Variants in AHCYL1 observed in about 807,000 individuals in gnomAD.
The protein encoded by AHCYL1 is adenosylhomocysteinase like 1, also known as S-adenosylhomocysteine hydrolase-like protein 1.
In AHCYL1, 20 loss-of-function variants were observed where a neutral mutation model predicts 79.3. The ratio of observed to expected loss-of-function variants is 0.25; its 90% CI spans 0.18 to 0.37. The LOEUF is 0.37. Ranked by LOEUF, AHCYL1 falls within the 10% of genes least tolerant of loss-of-function variation. AHCYL1 has a pLI of 1.00. For synonymous variants in AHCYL1, 223 were observed against 242.2 expected, an observed-to-expected ratio of 0.92 and a Z score of 0.74; for missense variants, 330 against 673.6, an observed-to-expected ratio of 0.49 and a Z score of 5.65.
At chr1:109,985,621 C>T (rs936093984) in intron 1 of AHCYL1, 4 of 905,960 alleles carry the variant, frequency 4.4e-6, no homozygotes, top group Non-Finnish European at 4.0e-6. Flanking sequence ...TGCGTGATAG[C>T]TGGGAGGCAA....
intron 6 of AHCYL1, 103 bp from the exon 7 acceptor site, chr1:110,015,322 C>T: frequency 3.3e-6 from 3 of 910,014 alleles, no homozygotes; most frequent in South Asian, 1.4e-5. Context: ...GAGTACTCTT[C>T]CAAAACATAC....
At chr1:109,988,660 C>T (rs1419577496) in intron 1 of AHCYL1, among the ~76,000 whole-genome samples, 5 of 152,174 alleles carry the variant, frequency 3.3e-5, no homozygotes, top group Non-Finnish European at 7.3e-5. Flanking sequence ...CTCTGAACTT[C>T]TGAACATTAA....
chr1:110,004,650 G>T (rs930051743), intron 1 of AHCYL1, among the ~76,000 whole-genome samples: 2 of 152,118 alleles, frequency 1.3e-5, no homozygotes, highest in African/African-American at 4.8e-5. Context: ...GGGCATGGTG[G>T]TGTGGGCCTA....
intron 5 of AHCYL1, 82 bp downstream of exon 5, chr1:110,013,081 C>T (rs995916456): frequency 5.7e-6 from 6 of 1,049,564 alleles, no homozygotes; most frequent in African/African-American, 3.2e-5. Flanking sequence ...ATTGTCATTA[C>T]AATATCATAT....
At chr1:110,011,635 G>C (rs1651042031) in intron 3 of AHCYL1, among the ~76,000 whole-genome samples, 1 of 152,212 alleles carries the variant, frequency 6.6e-6, no homozygotes, top group Admixed American at 6.5e-5. Context: ...CTACATGGCA[G>C]AATTGACAAG....
intron 9 of AHCYL1, 76 bp from the exon 10 acceptor site, chr1:110,017,419 C>A: frequency 7.2e-7 from 1 of 1,394,068 alleles, no homozygotes; most frequent in Non-Finnish European, 1.0e-6. Context: ...TAATTCCTGT[C>A]TCACAAATAA....
At chr1:109,999,231 A>G (rs746294471) in intron 1 of AHCYL1, among the ~76,000 whole-genome samples, 8 of 152,156 alleles carry the variant, frequency 5.3e-5, no homozygotes, top group Non-Finnish European at 1.2e-4. Context: ...ACCACAGTCA[A>G]GCTAGTTAAT....
intron 1 of AHCYL1, among the ~76,000 whole-genome samples, chr1:109,988,485 C>T (rs1317289552): frequency 6.6e-6 from 1 of 152,186 alleles, no homozygotes; most frequent in Non-Finnish European, 1.5e-5. Context: ...CCCTCTTTTG[C>T]TGCTACTTTG....
chr1:109,993,059 TA>T (rs1415572266), intron 1 of AHCYL1, among the ~76,000 whole-genome samples: 2 of 152,168 alleles, frequency 1.3e-5, no homozygotes, highest in Admixed American at 6.5e-5. Context: ...AAAGACTCAT[TA>T]TAAGTGCCTT....
At chr1:110,010,405 G>A (rs993676934) in intron 2 of AHCYL1, among the ~76,000 whole-genome samples, 49 of 152,162 alleles carry the variant, frequency 3.2e-4, no homozygotes, top group African/African-American at 1.1e-3. Context: ...GAGGAAAGAA[G>A]TGATTTGAGA....
rs1651522048 is a variant in AHCYL1, at chr1:110,017,865, G to A, written c.1053-81G>A. The A allele has an allele frequency of 3.5e-6, 5 of 1,408,508 alleles. No homozygotes were observed. In the South Asian group the frequency reaches 5.8e-5, roughly 16 times the overall value. 87.3% of individuals were successfully genotyped at this position (1,408,508 alleles called of 1,614,324 possible). On this transcript the variant is annotated intron_variant, in intron 10 of 16. Transcript: ENST00000369799. Reference sequence around the variant, plus strand: ...AGGTGGCACTGGATCCAACTAGAAGGGGATCTTGTCTCATTTCATGACCAT... The same window carrying A: ...AGGTGGCACTGGATCCAACTAGAAGAGGATCTTGTCTCATTTCATGACCAT...
intron 1 of AHCYL1, chr1:110,004,555 G>A (rs1038362271): frequency 5.5e-6 from 5 of 915,460 alleles, no homozygotes; most frequent in African/African-American, 1.8e-5. Flanking sequence ...TGTATTTCTT[G>A]TACCAAGGAG....
intron 1 of AHCYL1, among the ~76,000 whole-genome samples, chr1:109,993,697 G>A (rs1570848655): frequency 1.3e-5 from 2 of 152,284 alleles, no homozygotes; most frequent in East Asian, 3.9e-4. Flanking sequence ...CTGAATATAT[G>A]CCTCCAGCTT....
Position 110,021,767 on chromosome 1 carries a change from CT to C in AHCYL1, c.*90del. On this transcript the variant is annotated 3_prime_UTR_variant, in exon 17 of 17. Coordinates refer to ENST00000369799, the MANE Select transcript of AHCYL1 (RefSeq NM_006621.7). Reference sequence around the variant, plus strand: ...GATAACTTTTATTTTCTTCTTACTCCTTTCCTCTTGATTTTTTTCCTATAAT... The same window carrying C: ...GATAACTTTTATTTTCTTCTTACTCCTTCCTCTTGATTTTTTTCCTATAAT... 1 of 1,397,994 alleles carries C rather than the reference CT, an allele frequency of 7.2e-7. No homozygotes were observed. Among genetic ancestry groups the C allele is most frequent in the East Asian group, 2.4e-5 (1 of 42,096 alleles). 86.6% of individuals were successfully genotyped at this position (1,397,994 alleles called of 1,614,324 possible).
At chr1:110,018,336 G>A (rs535887834) in intron 11 of AHCYL1, 37 bp from the exon 12 acceptor site, 47 of 1,600,148 alleles carry the variant, frequency 2.9e-5, no homozygotes, top group African/African-American at 1.6e-4. Flanking sequence ...TTTGTTGCCC[G>A]GCATCTCTTT....
chr1:110,018,506 T>C lies in AHCYL1; in HGVS notation c.1218+39T>C, dbSNP rs554943507. The C allele has an allele frequency of 2.2e-5, 35 of 1,606,196 alleles. 1 individual carries two copies. The South Asian group carries it at 3.8e-4, about 18-fold the overall frequency. ...CATTTGTTGCTAGGCATTTCTCTAC[T>C]ACCTTTCATTAATAACCATAGTCAA... On this transcript the variant is annotated intron_variant, in intron 12 of 16. Coordinates refer to ENST00000369799, the MANE Select transcript of AHCYL1 (RefSeq NM_006621.7).
chr1:109,989,885 G>A (rs1649664180), intron 1 of AHCYL1, among the ~76,000 whole-genome samples: 1 of 152,226 alleles, frequency 6.6e-6, no homozygotes, highest in African/African-American at 2.4e-5. Context: ...TACGTGCATA[G>A]ACCAGAATTT....
chr1:110,016,849 A>C, intron 9 of AHCYL1, 119 bp downstream of exon 9: 1 of 1,088,776 alleles, frequency 9.2e-7, no homozygotes, highest in Non-Finnish European at 1.3e-6. Flanking sequence ...TTTTTAGATA[A>C]TGTATCTCAA....
chr1:109,991,239 G>T (rs1649745457), intron 1 of AHCYL1, among the ~76,000 whole-genome samples: 1 of 152,200 alleles, frequency 6.6e-6, no homozygotes, highest in South Asian at 2.1e-4. Flanking sequence ...AAAGTAAAAA[G>T]TTTAATGAAC....
Sources: gnomAD v4.1 joint callset for allele counts (sites outside exome capture counted in the v4.1 genomes callset) on GRCh38, gnomAD v4.1.1 for gene constraint, MANE v1.5 for transcripts, NCBI Gene and HGNC (gene_info 2026-07-23, HGNC 2026-07-21) for gene names.